ADARB2: variants seen among roughly 807,000 people sequenced by gnomAD.
ADARB2 encodes adenosine deaminase RNA specific B2 (inactive).
ADARB2 carries 25 observed loss-of-function variants against 62.2 expected under a neutral mutation model. The observed-to-expected ratio is 0.40, with a 90% CI of 0.29 to 0.56. The LOEUF (loss-of-function observed/expected upper bound fraction) is 0.56, where lower values mean the gene tolerates loss of function less well. Among genes scored for constraint, ADARB2 ranks in the 20% least tolerant of loss-of-function variants. ADARB2 has a pLI of 0.43. For synonymous variants in ADARB2, 572 were observed against 500.8 expected, an observed-to-expected ratio of 1.14 and a Z score of -1.90; for missense variants, 1,071 against 1,077.4, an observed-to-expected ratio of 0.99 and a Z score of 0.08.
chr10:1,283,760 T>C (rs1438894110), intron 3 of ADARB2, among the ~76,000 whole-genome samples: 2 of 152,198 alleles, frequency 1.3e-5, no homozygotes, highest in Non-Finnish European at 2.9e-5. Context: ...ACTGGACTTG[T>C]ACAGATACTT....
intron 1 of ADARB2, among the ~76,000 whole-genome samples, chr10:1,574,181 A>T (rs1163716661): frequency 6.6e-6 from 1 of 152,142 alleles, no homozygotes; most frequent in African/African-American, 2.4e-5. Context: ...GCCACAAGTG[A>T]TGTGGGCCGA....
intron 7 of ADARB2, among the ~76,000 whole-genome samples, chr10:1,214,324 G>A (rs560944722): frequency 1.4e-5 from 2 of 143,056 alleles, no homozygotes; most frequent in East Asian, 4.4e-4. Flanking sequence ...CCAGCGTCAC[G>A]TGGGTTTGCA....
chr10:1,482,431 A>G (rs1213864788), intron 1 of ADARB2, among the ~76,000 whole-genome samples: 1 of 152,206 alleles, frequency 6.6e-6, no homozygotes, highest in East Asian at 1.9e-4. Context: ...CGGCCATGAA[A>G]GGACAAATCC....
At chr10:1,518,614 G>A (rs1361630838) in intron 1 of ADARB2, among the ~76,000 whole-genome samples, 2 of 152,146 alleles carry the variant, frequency 1.3e-5, no homozygotes, top group Non-Finnish European at 2.9e-5. Context: ...ACATGGTATT[G>A]TCATACACAT....
chr10:1,302,175 C>T (rs986686165), intron 3 of ADARB2, among the ~76,000 whole-genome samples: 13 of 152,170 alleles, frequency 8.5e-5, no homozygotes, highest in East Asian at 1.9e-4. Flanking sequence ...GTGCGCACAC[C>T]GTGCGCGAGC....
chr10:1,369,633 C>T (rs1052409001), intron 2 of ADARB2, among the ~76,000 whole-genome samples: 1 of 152,202 alleles, frequency 6.6e-6, no homozygotes, highest in African/African-American at 2.4e-5. Context: ...TCATGATGTA[C>T]GCCTGAAATA....
At chr10:1,303,308 C>T (rs987606218) in intron 3 of ADARB2, among the ~76,000 whole-genome samples, 117 of 151,856 alleles carry the variant, frequency 7.7e-4, no homozygotes, top group East Asian at 1.2e-3. Flanking sequence ...TGAAATGAAG[C>T]GAGAAGGAAA....
In ADARB2 at chr10:1,272,374, A is replaced by T. The variant is rs374819815; in HGVS notation, c.1078-1305T>A. 2.5e-3 allele frequency among the ~76,000 whole-genome samples: 384 copies of T among 152,338 alleles called. 2 individuals are homozygous for T. The highest frequency in any genetic ancestry group is 8.8e-3 in the African/African-American group (367 of 41,574). On this transcript the variant is annotated intron_variant, in intron 3 of 9. Transcript: ENST00000381312. ...TGATTAATAACGCTAAGAAAGATAG[A>T]CAGTTTTTAAAAATCCCACTTGTAG... is the stretch of plus-strand genomic sequence containing the variant.
intron 1 of ADARB2, among the ~76,000 whole-genome samples, chr10:1,625,173 C>T (rs1833751323): frequency 6.6e-6 from 1 of 152,228 alleles, no homozygotes; most frequent in Non-Finnish European, 1.5e-5. Context: ...TTTTTCCAGC[C>T]TGTTTTCTGT....
chr10:1,729,604 A>G (rs4880916), intron 1 of ADARB2, among the ~76,000 whole-genome samples: 84,619 of 152,128 alleles, frequency 0.56, 24,092 homozygotes, highest in Middle Eastern at 0.6. Flanking sequence ...GGACATTTTT[A>G]TACTTCCGGT....
chr10:1,550,526 GC>G (rs1832604134), intron 1 of ADARB2, among the ~76,000 whole-genome samples: 1 of 152,212 alleles, frequency 6.6e-6, no homozygotes, highest in African/African-American at 2.4e-5. Flanking sequence ...GTTGATGAAA[GC>G]CGATGGCCCA....
At chr10:1,453,791 C>T (rs1831065695) in intron 1 of ADARB2, among the ~76,000 whole-genome samples, 1 of 152,158 alleles carries the variant, frequency 6.6e-6, no homozygotes, top group Non-Finnish European at 1.5e-5. Flanking sequence ...CAAACCAAAA[C>T]TGCGAGTTAC....
intron 1 of ADARB2, among the ~76,000 whole-genome samples, chr10:1,673,741 C>T (rs1410486220): frequency 1.3e-5 from 2 of 152,164 alleles, no homozygotes; most frequent in African/African-American, 4.8e-5. Context: ...GGAACAGGAG[C>T]CTTCAGGGCT....
chr10:1,358,742 G>C (rs1041940257), intron 3 of ADARB2, among the ~76,000 whole-genome samples: 1 of 152,076 alleles, frequency 6.6e-6, no homozygotes, highest in Non-Finnish European at 1.5e-5. Flanking sequence ...GGGAGAGTGC[G>C]GGGTGAGGGT....
chr10:1,233,994 G>A lies in ADARB2; in HGVS notation c.1362-149C>T, dbSNP rs532849246. The A allele has an allele frequency of 4.6e-5, 42 of 903,398 alleles. 2 individuals are homozygous for A. In the South Asian group the frequency reaches 5.6e-4, roughly 12 times the overall value. 56.0% of individuals were successfully genotyped at this position (903,398 alleles called of 1,614,324 possible). A position where few individuals can be genotyped will look rare whatever the true frequency, so the allele number is the denominator to read the frequency against. ...TTTTTTTTCCTTTTTTTTTTGAGAC[G>A]GAGTCTTGTTCTGTCACCCAGGCTG... On this transcript the variant is annotated intron_variant, in intron 5 of 9. Transcript: ENST00000381312.
At chr10:1,369,025 C>T (rs1832341280) in intron 2 of ADARB2, among the ~76,000 whole-genome samples, 1 of 151,702 alleles carries the variant, frequency 6.6e-6, no homozygotes. Context: ...GAGCTCACGT[C>T]CAGGTGCCGC....
At chr10:1,617,217 C>T (rs1383619787) in intron 1 of ADARB2, among the ~76,000 whole-genome samples, 10 of 135,854 alleles carry the variant, frequency 7.4e-5, no homozygotes, top group African/African-American at 8.2e-5. Flanking sequence ...TCCAGACACA[C>T]TCCACACCGC....
At chr10:1,737,023 A>C in intron 1 of ADARB2, 28 bp downstream of exon 1, 3 of 1,606,174 alleles carry the variant, frequency 1.9e-6, no homozygotes, top group Non-Finnish European at 2.5e-6. Context: ...GAAGGGGGGC[A>C]GGGGCCGGCG....
chr10:1,498,090 G>C (rs1831714666), intron 1 of ADARB2, among the ~76,000 whole-genome samples: 1 of 152,108 alleles, frequency 6.6e-6, no homozygotes, highest in Non-Finnish European at 1.5e-5. Flanking sequence ...AAAACTGTTT[G>C]GGCTGGGCAT....
Sources: allele counts gnomAD v4.1 joint callset (sites outside exome capture counted in the v4.1 genomes callset), GRCh38; gene constraint gnomAD v4.1.1; transcripts MANE v1.5; gene names NCBI Gene and HGNC (gene_info 2026-07-23, HGNC 2026-07-21).